The following PTPRJ variants were observed in gnomAD, a reference collection of about 807,000 sequenced individuals.
PTPRJ encodes the protein protein tyrosine phosphatase receptor type J.
Under a neutral mutation model 141.3 loss-of-function variants are expected in PTPRJ, and 129 were observed. The ratio of observed to expected loss-of-function variants is 0.91; its 90% CI spans 0.79 to 1.06. The LOEUF (loss-of-function observed/expected upper bound fraction) is 1.06. PTPRJ is among the 50% of genes least tolerant of loss of function. The probability of loss-of-function intolerance (pLI) is 0.00; values close to 1 mark genes in which losing one functional copy is unlikely to be tolerated. For synonymous variants in PTPRJ, 610 were observed against 640.5 expected (o/e 0.95, Z 0.72); for missense variants, 1,601 against 1,679.7 (o/e 0.95, Z 0.82).
At chr11:48,031,183 T>A (rs1045386857) in intron 1 of PTPRJ, among the ~76,000 whole-genome samples, 4 of 152,174 alleles carry the variant, frequency 2.6e-5, no homozygotes, top group African/African-American at 9.7e-5. Context: ...TTTATTTTTT[T>A]AATAAATGGT....
intron 1 of PTPRJ, among the ~76,000 whole-genome samples, chr11:48,063,004 T>TA: frequency 6.6e-6 from 1 of 152,244 alleles, no homozygotes; most frequent in South Asian, 2.1e-4. Context: ...ATTTAGTTGT[T>TA]AAAAAAGAGA....
At chr11:48,032,449 CT>C (rs1360956850) in intron 1 of PTPRJ, among the ~76,000 whole-genome samples, 3 of 152,168 alleles carry the variant, frequency 2.0e-5, no homozygotes, top group Non-Finnish European at 4.4e-5. Context: ...GCTACCTTGG[CT>C]TCTATTTAGT....
rs766972348 is a variant in PTPRJ at position 48,127,853 on chromosome 11, C to T, written c.1167C>T (p.Ser389=). The change falls in exon 7 of 25, where the codon AGC becomes AGT. Residue 389 remains serine (S), a synonymous_variant. Coordinates refer to ENST00000418331, the MANE Select transcript of PTPRJ (RefSeq NM_002843.4). ...GCCTGACCCTGATCTGGAAAGTCAG[C>T]GATAACGAGTCGTCATCTAACTATA... The part of the protein sequence containing the change: ...ATSLTLIWKV[S]DNESSSNYTY... The T allele has an allele frequency of 1.7e-5, 28 of 1,614,074 alleles. No homozygotes were observed. The Admixed American group carries it at 2.7e-4, about 15-fold the overall frequency.
rs996151723 is a variant in PTPRJ at position 47,980,608 on chromosome 11, G to C, written c.-305G>C. On this transcript the variant is annotated 5_prime_UTR_variant, in exon 1 of 25. Transcript: ENST00000418331. ...GGAGGCAGCGGGAGCAGCCGCGGGA[G>C]CCGGGACCGGGTAGCCGCGCGCTGG... 2.0e-6 allele frequency: 2 copies of C among 983,388 alleles called. No homozygotes were observed. Among genetic ancestry groups the C allele is most frequent in the Non-Finnish European group, 2.4e-6 (2 of 829,532 alleles). 60.9% of individuals were successfully genotyped at this position (983,388 alleles called of 1,614,324 possible). A position where few individuals can be genotyped will look rare whatever the true frequency, so the allele number is the denominator to read the frequency against.
At chr11:48,145,196 G>A in intron 14 of PTPRJ, 72 bp downstream of exon 14, 3 of 1,594,962 alleles carry the variant, frequency 1.9e-6, no homozygotes, top group Admixed American at 3.4e-5. Flanking sequence ...AAGGCCAGCT[G>A]TGTACATGCC....
chr11:48,069,559 C>T (rs1307265895), intron 1 of PTPRJ, among the ~76,000 whole-genome samples: 3 of 151,072 alleles, frequency 2.0e-5, no homozygotes, highest in Admixed American at 6.6e-5. Context: ...ACGCCATTCT[C>T]CTGCCTCAGC....
At chr11:48,045,799 G>A (rs1349334280) in intron 1 of PTPRJ, among the ~76,000 whole-genome samples, 1 of 152,172 alleles carries the variant, frequency 6.6e-6, no homozygotes, top group Non-Finnish European at 1.5e-5. Context: ...GCCTGCCAGT[G>A]GGGTGAGGGC....
rs139319184 is a variant in PTPRJ, at chr11:48,144,213, T to C, written c.2576-462T>C. ...TCAAAAAGTGAGGTTGAAATCTCTA[T>C]CTTTTAATTTTGGGTCTGTTTCCAG... On this transcript the variant is annotated intron_variant, in intron 12 of 24. Transcript: ENST00000418331. Among the ~76,000 whole-genome samples the C allele has an allele frequency of 4.5e-3, 693 of 152,318 alleles. 6 individuals carry two copies. The highest frequency in any genetic ancestry group is 0.016 in the African/African-American group (667 of 41,574).
intron 1 of PTPRJ, among the ~76,000 whole-genome samples, chr11:48,084,578 C>T (rs1001407579): frequency 6.6e-6 from 1 of 152,144 alleles, no homozygotes; most frequent in Admixed American, 6.6e-5. Context: ...GCTGACACAG[C>T]TGAGTTCTGA....
intron 22 of PTPRJ, among the ~76,000 whole-genome samples, chr11:48,160,639 G>A (rs1008804726): frequency 2.6e-5 from 4 of 152,104 alleles, no homozygotes; most frequent in African/African-American, 4.8e-5. Context: ...TGTGTGCATT[G>A]GCATAACTCT....
intron 1 of PTPRJ, among the ~76,000 whole-genome samples, chr11:48,020,039 CT>C (rs1335658914): frequency 1.5e-4 from 23 of 152,190 alleles, no homozygotes; most frequent in African/African-American, 5.5e-4. Context: ...TCTGAGATCC[CT>C]GTTTCTATGC....
Position 48,158,043 on chromosome 11 carries a change from T to C in PTPRJ, c.3439-1887T>C, listed in dbSNP as rs895190066. Among the ~76,000 whole-genome samples the C allele has an allele frequency of 2.0e-5, 3 of 152,078 alleles. No homozygotes were observed. The highest frequency in any genetic ancestry group is 4.8e-5 in the African/African-American group (2 of 41,416). ...GGTGCATGCCTGTAATCCCAGCTAC[T>C]TGGGAGGCTGAGGCAGGAGAATGGC... is the stretch of plus-strand genomic sequence containing the variant. On this transcript the variant is annotated intron_variant, in intron 21 of 24. Coordinates refer to ENST00000418331, the MANE Select transcript of PTPRJ (RefSeq NM_002843.4). The surrounding 1 kb of genome is among the most constrained non-coding windows in gnomAD (Gnocchi z 4.4).
chr11:48,026,915 A>G (rs886311791), intron 1 of PTPRJ, among the ~76,000 whole-genome samples: 3 of 151,018 alleles, frequency 2.0e-5, no homozygotes, highest in Non-Finnish European at 4.4e-5. Flanking sequence ...CATGAGAGGG[A>G]AGGCTTTTTA....
intron 1 of PTPRJ, among the ~76,000 whole-genome samples, chr11:47,989,738 C>T (rs1259641108): frequency 2.0e-5 from 3 of 152,128 alleles, no homozygotes; most frequent in Non-Finnish European, 2.9e-5. Flanking sequence ...TCCCCCTCCC[C>T]CATGCCAATT....
intron 1 of PTPRJ, among the ~76,000 whole-genome samples, chr11:48,103,310 T>C (rs973201057): frequency 6.6e-6 from 1 of 151,900 alleles, no homozygotes; most frequent in Non-Finnish European, 1.5e-5. Context: ...AACAAAAATA[T>C]TAGCTGGGTA....
At chr11:48,149,410 C>G (rs1280759597) in intron 15 of PTPRJ, 37 bp from the exon 16 acceptor site, 1 of 1,403,478 alleles carries the variant, frequency 7.1e-7, no homozygotes, top group Admixed American at 1.9e-5. Flanking sequence ...GGAAGGAATC[C>G]TTTTTTGTCT....
intron 3 of PTPRJ, among the ~76,000 whole-genome samples, chr11:48,119,523 C>T (rs183917089): frequency 1.8e-3 from 279 of 152,242 alleles, no homozygotes; most frequent in East Asian, 0.01. Context: ...CTCAGCTTCC[C>T]GAGTAGCTGG....
At chr11:48,094,503 T>C (rs1855951923) in intron 1 of PTPRJ, among the ~76,000 whole-genome samples, 1 of 152,232 alleles carries the variant, frequency 6.6e-6, no homozygotes, top group African/African-American at 2.4e-5. Context: ...TTGCACTCTT[T>C]CCTGATAAGA....
intron 1 of PTPRJ, among the ~76,000 whole-genome samples, chr11:48,031,037 T>G (rs1420692256): frequency 2.0e-5 from 3 of 152,336 alleles, no homozygotes; most frequent in Admixed American, 6.5e-5. Context: ...TGAAACAGAT[T>G]GTAGAACTTT....
Sources: gnomAD v4.1 joint callset for allele counts (sites outside exome capture counted in the v4.1 genomes callset) on GRCh38, gnomAD v4.1.1 for gene constraint, Gnocchi (gnomAD v3.1) non-coding constraint, MANE v1.5 for transcripts, NCBI Gene and HGNC (gene_info 2026-07-23, HGNC 2026-07-21) for gene names.